Variants in RIC1 observed in about 807,000 individuals in gnomAD.
RIC1 encodes the protein guanine nucleotide exchange factor subunit RIC1.
Under a neutral mutation model 169.0 loss-of-function variants are expected in RIC1, and 88 were observed. The observed-to-expected ratio is 0.52, with a 90% CI of 0.44 to 0.62. The LOEUF (loss-of-function observed/expected upper bound fraction) is 0.62, where lower values mean the gene tolerates loss of function less well. Among genes scored for constraint, RIC1 ranks in the 20% least tolerant of loss-of-function variants. The pLI is 0.00. For missense variants in RIC1, 1,877 were observed against 1,725.5 expected (o/e 1.09, Z -1.56); for synonymous variants, 790 against 601.5 (o/e 1.31, Z -4.59).
At chr9:5,727,324 C>T (rs557353782) in intron 6 of RIC1, among the ~76,000 whole-genome samples, 1 of 152,144 alleles carries the variant, frequency 6.6e-6, no homozygotes, top group Admixed American at 6.5e-5. Context: ...ATCATTCGAT[C>T]AAATCGGCTA....
In RIC1 at chr9:5,629,148, C is replaced by T. The variant is rs1288392163; in HGVS notation, c.-162C>T. 3 of 578,192 alleles carry T rather than the reference C, an allele frequency of 5.2e-6. No individual in the cohort carries two copies. Among genetic ancestry groups the T allele is most frequent in the Non-Finnish European group, 7.6e-6 (3 of 393,568 alleles). 35.8% of individuals were successfully genotyped at this position (578,192 alleles called of 1,614,324 possible). ...GCTTGGGGGTGCCTTCGTCGCGCAGCCTTGCGTCGGCCCGGCCCGGCCAGG... is the reference window on the plus strand; with the variant it reads ...GCTTGGGGGTGCCTTCGTCGCGCAGTCTTGCGTCGGCCCGGCCCGGCCAGG... On this transcript the variant is annotated 5_prime_UTR_variant, in exon 1 of 26. Transcript: ENST00000414202.
At chr9:5,747,743 G>C (rs1254534104) in intron 12 of RIC1, among the ~76,000 whole-genome samples, 1 of 152,178 alleles carries the variant, frequency 6.6e-6, no homozygotes, top group African/African-American at 2.4e-5. Flanking sequence ...TCAAGAACTA[G>C]AAGTTTATGT....
chr9:5,710,881 A>G (rs946259548), intron 3 of RIC1, among the ~76,000 whole-genome samples: 5 of 152,188 alleles, frequency 3.3e-5, no homozygotes, highest in African/African-American at 7.2e-5. Flanking sequence ...GATATAGAAT[A>G]AAAGACAAGA....
chr9:5,747,979 A>T (rs1416568643), intron 12 of RIC1, among the ~76,000 whole-genome samples: 1 of 152,138 alleles, frequency 6.6e-6, no homozygotes, highest in African/African-American at 2.4e-5. Context: ...AGAGAGCTTT[A>T]TTGTTAATAC....
chr9:5,757,202 A>G lies in RIC1; in HGVS notation c.1854-111A>G, dbSNP rs1352420412. ...TATGGGGAGAAGATGATAGGTAGTA[A>G]GACATCTGAGTCTTCCATAAGCATG... is the stretch of plus-strand genomic sequence containing the variant. On this transcript the variant is annotated intron_variant, in intron 16 of 25. Coordinates refer to ENST00000414202, the MANE Select transcript of RIC1 (RefSeq NM_020829.4). 6 of 1,246,818 alleles carry G rather than the reference A, an allele frequency of 4.8e-6. No individual in the cohort carries two copies. The African/African-American group carries it at 9.0e-5, about 19-fold the overall frequency. The allele number at this position is 1,246,818 out of a possible 1,614,324, so 77.2% of individuals were successfully genotyped here. A position where few individuals can be genotyped will look rare whatever the true frequency, so the allele number is the denominator to read the frequency against.
At chr9:5,652,139 A>G (rs1818839841) in intron 1 of RIC1, among the ~76,000 whole-genome samples, 1 of 152,190 alleles carries the variant, frequency 6.6e-6, no homozygotes. Context: ...GAAGTCAGGT[A>G]GTGTAATTCC....
intron 5 of RIC1, 133 bp from the exon 6 acceptor site, chr9:5,720,481 G>T: frequency 8.7e-7 from 1 of 1,152,662 alleles, no homozygotes; most frequent in South Asian, 1.6e-5. Context: ...TAATAGGAAA[G>T]GACAGTTTAA....
At chr9:5,713,485 G>A (rs1296159276) in intron 3 of RIC1, 1 of 153,590 alleles carries the variant, frequency 6.5e-6, no homozygotes, top group Non-Finnish European at 1.4e-5. Flanking sequence ...TGTGGAGTAA[G>A]TAAAGATGAA....
chr9:5,760,014 G>C (rs1038747953), intron 17 of RIC1, among the ~76,000 whole-genome samples: 5 of 152,186 alleles, frequency 3.3e-5, no homozygotes, highest in African/African-American at 4.8e-5. Flanking sequence ...TGCTTAATTT[G>C]GCTAGAGCAG....
chr9:5,693,669 A>G (rs1191403961), intron 3 of RIC1, among the ~76,000 whole-genome samples: 2 of 152,190 alleles, frequency 1.3e-5, no homozygotes, highest in African/African-American at 4.8e-5. Context: ...TAAGTCAGAA[A>G]TAATTTGTGT....
chr9:5,759,644 T>C (rs966788045), intron 17 of RIC1, among the ~76,000 whole-genome samples: 1 of 152,168 alleles, frequency 6.6e-6, no homozygotes, highest in African/African-American at 2.4e-5. Context: ...TAGGGAATAA[T>C]TGTAAATTTT....
intron 2 of RIC1, among the ~76,000 whole-genome samples, chr9:5,684,061 G>C (rs1821042552): frequency 6.6e-6 from 1 of 152,150 alleles, no homozygotes; most frequent in Admixed American, 6.5e-5. Context: ...TCTTTGACTA[G>C]GAAAGGGAAT....
At chr9:5,635,897 G>T (rs927114109) in intron 1 of RIC1, among the ~76,000 whole-genome samples, 4 of 152,164 alleles carry the variant, frequency 2.6e-5, no homozygotes, top group African/African-American at 9.7e-5. Flanking sequence ...AGCCATTATG[G>T]AACTGAATCT....
intron 17 of RIC1, among the ~76,000 whole-genome samples, chr9:5,761,079 G>A (rs1347138983): frequency 1.5e-5 from 2 of 137,546 alleles, no homozygotes; most frequent in Non-Finnish European, 3.1e-5. Flanking sequence ...ACATCTGTCT[G>A]TCTCCTTCAG....
At chr9:5,655,577 A>T (rs1382071969) in intron 1 of RIC1, among the ~76,000 whole-genome samples, 1 of 152,242 alleles carries the variant, frequency 6.6e-6, no homozygotes, top group Non-Finnish European at 1.5e-5. Flanking sequence ...CTGGGATTAC[A>T]GGCATGAGCC....
At chr9:5,714,983 A>G (rs1823145210) in intron 4 of RIC1, among the ~76,000 whole-genome samples, 1 of 152,242 alleles carries the variant, frequency 6.6e-6, no homozygotes. Context: ...AGAGTACTGT[A>G]CAGAATGATA....
At chr9:5,747,069 C>T (rs892374392) in intron 11 of RIC1, among the ~76,000 whole-genome samples, 3 of 152,300 alleles carry the variant, frequency 2.0e-5, no homozygotes, top group South Asian at 2.1e-4. Flanking sequence ...CCTTTGAGAA[C>T]ACTGGCTTTC....
intron 17 of RIC1, among the ~76,000 whole-genome samples, chr9:5,758,086 T>G (rs1194330745): frequency 6.6e-6 from 1 of 152,106 alleles, no homozygotes; most frequent in Non-Finnish European, 1.5e-5. Flanking sequence ...ATGATCTAGG[T>G]CAGTGGTGTT....
At chr9:5,728,525 C>T (rs1490073472) in intron 6 of RIC1, among the ~76,000 whole-genome samples, 1 of 152,206 alleles carries the variant, frequency 6.6e-6, no homozygotes, top group Non-Finnish European at 1.5e-5. Flanking sequence ...CTTGGGCTCA[C>T]ACTCCATGGG....
Sources: gnomAD v4.1 joint callset for allele counts (sites outside exome capture counted in the v4.1 genomes callset) on GRCh38, gnomAD v4.1.1 for gene constraint, MANE v1.5 for transcripts, NCBI Gene and HGNC (gene_info 2026-07-23, HGNC 2026-07-21) for gene names.